The following SMYD3 variants were observed in gnomAD, a reference collection of about 807,000 sequenced individuals.
SMYD3 encodes SET and MYND domain containing 3.
SMYD3 carries 36 observed loss-of-function variants against 57.7 expected under a neutral mutation model. The ratio of observed to expected loss-of-function variants is 0.62; its 90% confidence interval spans 0.48 to 0.82. The LOEUF (loss-of-function observed/expected upper bound fraction) is 0.82, where lower values mean the gene tolerates loss of function less well. SMYD3 is among the 40% of genes least tolerant of loss of function. The probability of loss-of-function intolerance (pLI) is 0.00; values close to 1 mark genes in which losing one functional copy is unlikely to be tolerated. For missense variants in SMYD3, 515 were observed against 538.8 expected, an observed-to-expected ratio of 0.96 and a Z score of 0.44; for synonymous variants, 211 against 195.0, an observed-to-expected ratio of 1.08 and a Z score of -0.68.
intron 1 of SMYD3, among the ~76,000 whole-genome samples, chr1:246,453,232 C>T (rs766461370): frequency 3.9e-5 from 6 of 152,210 alleles, no homozygotes; most frequent in Non-Finnish European, 7.3e-5. Context: ...AACACACAAG[C>T]AGTCATAGTT....
chr1:245,996,869 C>T (rs949688980), intron 5 of SMYD3, among the ~76,000 whole-genome samples: 1 of 152,238 alleles, frequency 6.6e-6, no homozygotes, highest in Non-Finnish European at 1.5e-5. Context: ...CTTTACACTT[C>T]CTCCATCTCC....
intron 1 of SMYD3, among the ~76,000 whole-genome samples, chr1:246,464,934 G>A (rs1159431875): frequency 1.3e-5 from 2 of 152,320 alleles, no homozygotes; most frequent in East Asian, 3.9e-4. Context: ...ACTTGAGATT[G>A]TCATTTAATA....
intron 1 of SMYD3, among the ~76,000 whole-genome samples, chr1:246,419,078 A>G (rs2067105023): frequency 1.3e-5 from 2 of 152,026 alleles, no homozygotes; most frequent in South Asian, 4.2e-4. Context: ...AGAATGTAAT[A>G]TCCTTTGTAA....
chr1:245,835,154 T>C (rs980171117), intron 10 of SMYD3, among the ~76,000 whole-genome samples: 3 of 144,466 alleles, frequency 2.1e-5, no homozygotes, highest in African/African-American at 7.8e-5. Context: ...GGAGTCTTGC[T>C]CTGTCACCAG....
chr1:245,807,813 G>GAAA (rs35324111), intron 10 of SMYD3, among the ~76,000 whole-genome samples: 1 of 111,704 alleles, frequency 9.0e-6, no homozygotes, highest in Non-Finnish European at 1.9e-5. Flanking sequence ...ATTTCCCAGG[G>GAAA]AAAAAAAAAA....
Position 245,926,609 on chromosome 1 carries a change from C to T in SMYD3, c.702+1322G>A, listed in dbSNP as rs542163683. 9.2e-5 allele frequency among the ~76,000 whole-genome samples: 14 copies of T among 152,266 alleles called. No individual in the cohort carries two copies. The East Asian group carries it at 2.7e-3, about 29-fold the overall frequency. On this transcript the variant is annotated intron_variant, in intron 7 of 11. Transcript: ENST00000490107. ...CCTAAAGACAAGGTGTCTTATTCAA[C>T]TAAATGAAAAGCAACCACGGGAGAA...
chr1:246,354,790 G>C (rs1173115295), intron 2 of SMYD3, among the ~76,000 whole-genome samples: 2 of 152,074 alleles, frequency 1.3e-5, no homozygotes, highest in African/African-American at 2.4e-5. Flanking sequence ...GGGAGGAATA[G>C]ACATTTACTT....
At chr1:245,801,145 AAAG>A (rs1178842625) in intron 10 of SMYD3, among the ~76,000 whole-genome samples, 1 of 152,246 alleles carries the variant, frequency 6.6e-6, no homozygotes, top group Non-Finnish European at 1.5e-5. Context: ...ATTCAATCCT[AAAG>A]AAGTTTATTT....
rs1279877977 is a variant in SMYD3 at position 245,993,623 on chromosome 1, T to TAGAC, written c.532-63687_532-63686insGTCT. ...ATAGATAGATAGATAGATAGATAGA[T>TAGAC]AGATAGATAGACAGACAGACAGACA... On this transcript the variant is annotated intron_variant, in intron 5 of 11. Transcript: ENST00000490107. Among the ~76,000 whole-genome samples the TAGAC allele has an allele frequency of 5.6e-4, 54 of 96,818 alleles. 1 individual carries two copies. The highest frequency in any genetic ancestry group is 9.9e-4 in the Admixed American group (9 of 9,132). The allele number at this position is 96,818 out of a possible 152,430, so 63.5% of individuals were successfully genotyped here.
chr1:245,900,237 C>T (rs1343753), intron 8 of SMYD3, among the ~76,000 whole-genome samples: 1 of 152,186 alleles, frequency 6.6e-6, no homozygotes, highest in Non-Finnish European at 1.5e-5. Flanking sequence ...TTTCTCTTGA[C>T]TTCCTCTTGC....
In SMYD3 at chr1:246,461,596, G is replaced by GA. The variant is rs1455295510; in HGVS notation, c.164+45457dup. Among the ~76,000 whole-genome samples, 5 of 151,374 alleles carry GA rather than the reference G, an allele frequency of 3.3e-5. No homozygotes were observed. In the East Asian group the frequency reaches 5.8e-4, roughly 18 times the overall value. The stretch of plus-strand genomic sequence containing the variant: ...AGAGAATTAGGTAACTAAAGGCTAA[G>GA]AAAAAATATGTAAAAAAAAAATTAA... On this transcript the variant is annotated intron_variant, in intron 1 of 11. Transcript: ENST00000490107.
chr1:245,894,903 C>G (rs762755564), intron 8 of SMYD3, among the ~76,000 whole-genome samples: 1 of 152,122 alleles, frequency 6.6e-6, no homozygotes, highest in African/African-American at 2.4e-5. Flanking sequence ...GTGGAGAGAC[C>G]ATCTTTTACC....
At chr1:246,054,770 C>A (rs963101478) in intron 5 of SMYD3, among the ~76,000 whole-genome samples, 1 of 149,148 alleles carries the variant, frequency 6.7e-6, no homozygotes, top group Admixed American at 6.8e-5. Flanking sequence ...TATAGATGGC[C>A]ATTTTTATGC....
intron 5 of SMYD3, among the ~76,000 whole-genome samples, chr1:246,273,969 T>C (rs1299200538): frequency 2.0e-5 from 3 of 152,164 alleles, no homozygotes; most frequent in African/African-American, 4.8e-5. Context: ...TTGCATTTAG[T>C]TCTTCTTTAT....
At chr1:245,884,968 A>G (rs1307606264) in intron 8 of SMYD3, among the ~76,000 whole-genome samples, 1 of 152,096 alleles carries the variant, frequency 6.6e-6, no homozygotes, top group Non-Finnish European at 1.5e-5. Flanking sequence ...TCTTCACAAT[A>G]AATCTTGCTG....
At chr1:246,297,314 T>C (rs576604041) in intron 5 of SMYD3, among the ~76,000 whole-genome samples, 30 of 152,222 alleles carry the variant, frequency 2.0e-4, no homozygotes, top group Admixed American at 9.2e-4. Flanking sequence ...CAACAATATA[T>C]GCCTCAGAGG....
At chr1:246,249,253 G>A (rs1417268691) in intron 5 of SMYD3, among the ~76,000 whole-genome samples, 3 of 151,914 alleles carry the variant, frequency 2.0e-5, no homozygotes, top group Admixed American at 6.6e-5. Flanking sequence ...ACAGGCGCCT[G>A]CCACCACACC....
At chr1:246,318,076 T>C (rs2065193123) in intron 5 of SMYD3, among the ~76,000 whole-genome samples, 1 of 152,212 alleles carries the variant, frequency 6.6e-6, no homozygotes, top group South Asian at 2.1e-4. Flanking sequence ...ATATTATGTA[T>C]TAATTTTTAA....
chr1:246,399,768 T>C (rs1401325355), intron 1 of SMYD3, among the ~76,000 whole-genome samples: 1 of 152,232 alleles, frequency 6.6e-6, no homozygotes, highest in Non-Finnish European at 1.5e-5. Context: ...ATACCATTTA[T>C]GGATTTGTAG....
Sources: gnomAD v4.1 joint callset for allele counts (sites outside exome capture counted in the v4.1 genomes callset) on GRCh38, gnomAD v4.1.1 for gene constraint, MANE v1.5 for transcripts, NCBI Gene and HGNC (gene_info 2026-07-23, HGNC 2026-07-21) for gene names.